Variants in ZNF773 observed in about 807,000 individuals in gnomAD.
ZNF773 encodes the protein zinc finger protein 419B.
ZNF773 carries 11 observed loss-of-function variants against 12.8 expected under a neutral mutation model. The observed-to-expected ratio is 0.86, with a 90% CI of 0.54 to 1.42. The LOEUF (loss-of-function observed/expected upper bound fraction) is 1.42. Among genes scored for constraint, ZNF773 ranks in the 40% most tolerant of loss-of-function variants. The probability of loss-of-function intolerance (pLI) is 0.00; values close to 1 mark genes in which losing one functional copy is unlikely to be tolerated. For missense variants in ZNF773, 518 were observed against 527.2 expected (o/e 0.98, Z 0.17); for synonymous variants, 175 against 178.4 (o/e 0.98, Z 0.15).
chr19:57,507,323 A>T lies in ZNF773; in HGVS notation c.1228A>T (p.Thr410Ser). ...CCTTGTTAAACATCAGAGGGTTCAC[A>T]CTGGAGCAAAGCCTTATGAGTGCAG... The part of the protein sequence containing the change: ...SSLVKHQRVH[T>S]GAKPYECREC... The change falls in exon 4 of 4, where the codon ACT becomes TCT. Residue 410 changes from threonine (T) to serine (S), a missense_variant. Thr to Ser is a moderately conservative substitution (Grantham distance 58). Coordinates refer to ENST00000282292, the MANE Select transcript of ZNF773 (RefSeq NM_198542.3). The T allele has an allele frequency of 6.2e-7, 1 of 1,614,258 alleles. No homozygotes were observed. The highest frequency in any genetic ancestry group is 8.5e-7 in the Non-Finnish European group (1 of 1,180,046).
chr19:57,511,834 A>G (rs59728407), downstream of ZNF773, among the ~76,000 whole-genome samples: 31,387 of 151,974 alleles, frequency 0.21, 3,355 homozygotes, highest in African/African-American at 0.25. Context: ...ACAACATAAA[A>G]AATAAACTAT....
At chr19:57,508,529 G>A (rs367838579), downstream of ZNF773, 8 of 700,690 alleles carry the variant, frequency 1.1e-5, no homozygotes, top group African/African-American at 1.7e-5. Context: ...GTTTGGCTGC[G>A]TAACAGGTCG....
At chr19:57,502,525 G>A (rs1023355827) in intron 1 of ZNF773, among the ~76,000 whole-genome samples, 3 of 152,038 alleles carry the variant, frequency 2.0e-5, no homozygotes, top group Admixed American at 1.3e-4. Context: ...CAGGGATTAC[G>A]GCCCAATCTT....
At position 57,499,972 on chromosome 19, in the gene ZNF773, G is replaced by A. The variant is rs774574311; in HGVS notation, c.-109G>A. The A allele has an allele frequency of 1.4e-6, 2 of 1,394,898 alleles. No homozygotes were observed. Among genetic ancestry groups the A allele is most frequent in the East Asian group, 2.6e-5 (1 of 37,752 alleles). The allele number at this position is 1,394,898 out of a possible 1,614,324, so 86.4% of individuals were successfully genotyped here. ...GGCGACCAGCTCCGGAAAGCGCGGT[G>A]GGGACGCGCTGTGTTCTCGCAGCTC... On this transcript the variant is annotated 5_prime_UTR_variant, in exon 1 of 4. Transcript: ENST00000282292.
At position 57,506,986 on chromosome 19, in the gene ZNF773, C is replaced by T. The variant is rs372880879; in HGVS notation, c.891C>T (p.His297=). The change falls in exon 4 of 4, where the codon CAC becomes CAT. Residue 297 remains histidine, a synonymous_variant. Transcript: ENST00000282292. ...CACTTGTTCAGCATCACAGAATCCACACTGGAGTAAGGCCTTATGAGTGCA... is the reference window on the plus strand; with the variant it reads ...CACTTGTTCAGCATCACAGAATCCATACTGGAGTAAGGCCTTATGAGTGCA... ...NSTLVQHHRI[H]TGVRPYECSE... The T allele has an allele frequency of 5.0e-6, 8 of 1,614,106 alleles. No individual in the cohort carries two copies. Among genetic ancestry groups the T allele is most frequent in the East Asian group, 2.2e-5 (1 of 44,886 alleles).
At chr19:57,510,013 T>G (rs2089782604), downstream of ZNF773, among the ~76,000 whole-genome samples, 1 of 152,196 alleles carries the variant, frequency 6.6e-6, no homozygotes, top group African/African-American at 2.4e-5. Context: ...ACCACATGAA[T>G]ATAGACAGAG....
chr19:57,506,932 A>G lies in ZNF773; in HGVS notation c.837A>G (p.Glu279=), dbSNP rs764636057. ...HTGEKPFTCS[E]CGKAFRHNST... ...GAGAAAAGCCTTTTACATGCAGTGA[A>G]TGTGGAAAAGCTTTCAGGCATAATT... is the stretch of plus-strand genomic sequence containing the variant. The change falls in exon 4 of 4, where the codon GAA becomes GAG. Residue 279 remains glutamate (E), a synonymous_variant. Transcript: ENST00000282292. 6.2e-7 allele frequency: 1 copy of G among 1,614,224 alleles called. No individual in the cohort carries two copies. The highest frequency in any genetic ancestry group is 1.1e-5 in the South Asian group (1 of 91,082).
downstream of ZNF773, chr19:57,516,444 T>C (rs2089832697): frequency 6.6e-6 from 1 of 152,426 alleles, no homozygotes; most frequent in South Asian, 2.1e-4. Flanking sequence ...TATATCATGA[T>C]CAGGGAGCAT....
At chr19:57,514,141 A>G (rs2089817357), downstream of ZNF773, 1 of 152,260 alleles carries the variant, frequency 6.6e-6, no homozygotes, top group South Asian at 2.1e-4. Context: ...CCTACAGATC[A>G]AATCTTACAT....
chr19:57,507,568 A>T lies in ZNF773; in HGVS notation c.*144A>T, dbSNP rs751846273. 2 of 1,437,732 alleles carry T rather than the reference A, an allele frequency of 1.4e-6. No homozygotes were observed. The highest frequency in any genetic ancestry group is 2.9e-5 in the African/African-American group (2 of 69,828). The allele number at this position is 1,437,732 out of a possible 1,614,324, so 89.1% of individuals were successfully genotyped here. On this transcript the variant is annotated 3_prime_UTR_variant, in exon 4 of 4. Transcript: ENST00000282292. ...ACACTGGACAGTTCACAGAGTGGACAATGTAGTGAATATGGTAAAAGGCCT... is the reference window on the plus strand; with the variant it reads ...ACACTGGACAGTTCACAGAGTGGACTATGTAGTGAATATGGTAAAAGGCCT...
At chr19:57,505,511 G>A (rs901440275) in intron 3 of ZNF773, 111 bp downstream of exon 3, 13 of 1,231,980 alleles carry the variant, frequency 1.1e-5, no homozygotes, top group East Asian at 7.0e-5. Context: ...AGGTGTCGTC[G>A]CTGATTTCTA....
rs960031174 is a variant in ZNF773, at chr19:57,507,611, G to A, written c.*187G>A. 3.9e-5 allele frequency: 54 copies of A among 1,394,056 alleles called. No homozygotes were observed. The highest frequency in any genetic ancestry group is 2.9e-4 in the Admixed American group (9 of 30,888). The allele number at this position is 1,394,056 out of a possible 1,614,324, so 86.4% of individuals were successfully genotyped here. A position where few individuals can be genotyped will look rare whatever the true frequency, so the allele number is the denominator to read the frequency against. On this transcript the variant is annotated 3_prime_UTR_variant, in exon 4 of 4. Coordinates refer to ENST00000282292, the MANE Select transcript of ZNF773 (RefSeq NM_198542.3). Reference sequence around the variant, plus strand: ...AAAGGCCTCAGCCAAAGGCCTAACCGTATTCAACACCAGAAAGTTTAGACT... The same window carrying A: ...AAAGGCCTCAGCCAAAGGCCTAACCATATTCAACACCAGAAAGTTTAGACT...
At chr19:57,504,911 A>G in intron 2 of ZNF773, 125 bp downstream of exon 2, 1 of 1,327,308 alleles carries the variant, frequency 7.5e-7, no homozygotes, top group South Asian at 1.2e-5. Context: ...AGTATCCTGA[A>G]GTAGCTATTG....
chr19:57,513,208 G>A, downstream of ZNF773: 1 of 957,546 alleles, frequency 1.0e-6, no homozygotes, highest in Non-Finnish European at 1.4e-6. Flanking sequence ...GGTAACATAG[G>A]GCAGAATTTG....
At chr19:57,504,962 G>A (rs1246414933) in intron 2 of ZNF773, 176 bp downstream of exon 2, 134 of 1,149,644 alleles carry the variant, frequency 1.2e-4, no homozygotes, top group East Asian at 8.2e-4. Context: ...TTCTCTCCCT[G>A]AGCTGCCCCA....
chr19:57,513,326 G>A (rs745830942), downstream of ZNF773: 14 of 315,282 alleles, frequency 4.4e-5, no homozygotes, highest in Admixed American at 2.0e-4. Flanking sequence ...AGGTTATCAC[G>A]CATAACCCAT....
At chr19:57,505,721 T>G (rs2089723416) in intron 3 of ZNF773, among the ~76,000 whole-genome samples, 1 of 150,288 alleles carries the variant, frequency 6.7e-6, no homozygotes, top group South Asian at 2.1e-4. Flanking sequence ...TGTTTTTTTT[T>G]TTTTTTTTTG....
chr19:57,511,212 G>A (rs1029862336), downstream of ZNF773, among the ~76,000 whole-genome samples: 1 of 151,610 alleles, frequency 6.6e-6, no homozygotes, highest in Non-Finnish European at 1.5e-5. Flanking sequence ...CACCTCTCCC[G>A]GATACTTTTT....
rs939125764 is a variant in ZNF773, at chr19:57,508,168, C to T, written c.*744C>T. 9.0e-6 allele frequency: 8 copies of T among 888,224 alleles called. No individual in the cohort carries two copies. The highest frequency in any genetic ancestry group is 1.1e-5 in the Non-Finnish European group (8 of 745,524). 55.0% of individuals were successfully genotyped at this position (888,224 alleles called of 1,614,324 possible). ...AAAAAAAAAAAAAAAACAAAAAAAA[C>T]CCAGAAACTCTGAGGGTGATCTTTA... On this transcript the variant is annotated 3_prime_UTR_variant, in exon 4 of 4. Coordinates refer to ENST00000282292, the MANE Select transcript of ZNF773 (RefSeq NM_198542.3).
Sources: allele counts gnomAD v4.1 joint callset (sites outside exome capture counted in the v4.1 genomes callset), GRCh38; gene constraint gnomAD v4.1.1; transcripts MANE v1.5; gene names NCBI Gene and HGNC (gene_info 2026-07-23, HGNC 2026-07-21).